The following ARHGAP1 variants were observed in gnomAD, a reference collection of about 807,000 sequenced individuals.
ARHGAP1 encodes the protein rho GTPase-activating protein 1.
A neutral mutation model predicts 52.2 loss-of-function variants in ARHGAP1; 23 were observed. That is an observed-to-expected ratio of 0.44 (90% CI 0.32 to 0.62). The LOEUF (loss-of-function observed/expected upper bound fraction) is 0.62. Among genes scored for constraint, ARHGAP1 ranks in the 20% least tolerant of loss-of-function variants. The pLI, the probability that ARHGAP1 is intolerant of heterozygous loss-of-function variation, is 0.05. For missense variants in ARHGAP1, 480 were observed against 560.9 expected, an observed-to-expected ratio of 0.86 and a Z score of 1.46; for synonymous variants, 210 against 228.4, an observed-to-expected ratio of 0.92 and a Z score of 0.73.
chr11:46,683,192 C>T (rs1304789323), intron 4 of ARHGAP1, among the ~76,000 whole-genome samples: 1 of 152,048 alleles, frequency 6.6e-6, no homozygotes, highest in South Asian at 2.1e-4. Flanking sequence ...GTGTGAGCCA[C>T]CACACCCGGC....
rs2064500290 is a variant in ARHGAP1 at position 46,678,747 on chromosome 11, G to GT, written c.*289dup. ...AGAGGCAGGAAAAAGCAGGAAAGGGGTTACTGGGGCTCAGTCCTTCTCCAG... is the reference window on the plus strand; with the variant it reads ...AGAGGCAGGAAAAAGCAGGAAAGGGGTTTACTGGGGCTCAGTCCTTCTCCAG... On this transcript the variant is annotated 3_prime_UTR_variant, in exon 13 of 13. Coordinates refer to ENST00000311956, the MANE Select transcript of ARHGAP1 (RefSeq NM_004308.5). 4 of 427,966 alleles carry GT rather than the reference G, an allele frequency of 9.3e-6. No homozygotes were observed. In the Admixed American group the frequency reaches 1.2e-4, roughly 13 times the overall value. 26.5% of individuals were successfully genotyped at this position (427,966 alleles called of 1,614,324 possible).
intron 1 of ARHGAP1, chr11:46,697,652 T>G (rs1268387990): frequency 2.6e-5 from 4 of 152,264 alleles, no homozygotes; most frequent in Non-Finnish European, 5.9e-5. Flanking sequence ...CGCTGTTTCA[T>G]GCTCCCAAGC....
In ARHGAP1 at chr11:46,680,935, C is replaced by T. The variant is rs897169405; in HGVS notation, c.635+76G>A. The T allele has an allele frequency of 3.6e-6, 5 of 1,373,198 alleles. No individual in the cohort carries two copies. The highest frequency in any genetic ancestry group is 2.3e-5 in the South Asian group (2 of 85,152). 85.1% of individuals were successfully genotyped at this position (1,373,198 alleles called of 1,614,324 possible). On this transcript the variant is annotated intron_variant, in intron 7 of 12. Transcript: ENST00000311956. This position sits in a 1 kb window ranked among gnomAD's most constrained non-coding sequence, Gnocchi z 5.9. ...ACACGGGCTTGCTCTGCCTAAGCCCCACGCGGTCTCTGAATCAGGACACAC... is the reference window on the plus strand; with the variant it reads ...ACACGGGCTTGCTCTGCCTAAGCCCTACGCGGTCTCTGAATCAGGACACAC...
chr11:46,677,820 T>G lies in ARHGAP1; in HGVS notation c.*1217A>C, dbSNP rs748843428. 5 of 337,318 alleles carry G rather than the reference T, an allele frequency of 1.5e-5. No homozygotes were observed. The highest frequency in any genetic ancestry group is 1.1e-4 in the South Asian group (5 of 45,414). 20.9% of individuals were successfully genotyped at this position (337,318 alleles called of 1,614,324 possible). ...CAAAAATTAGCTGGGCATGGTGGCA[T>G]GCACCTATAGTCCCAGCTACTCAGG... is the stretch of plus-strand genomic sequence containing the variant. On this transcript the variant is annotated 3_prime_UTR_variant, in exon 13 of 13. Coordinates refer to ENST00000311956, the MANE Select transcript of ARHGAP1 (RefSeq NM_004308.5).
rs371476247 is a variant in ARHGAP1, at chr11:46,680,444, A to C, written c.820+43T>G. The C allele has an allele frequency of 2.3e-3, 3,686 of 1,608,026 alleles. 7 individuals are homozygous for C. Among genetic ancestry groups the C allele is most frequent in the Non-Finnish European group, 2.9e-3 (3,442 of 1,174,992 alleles). On this transcript the variant is annotated intron_variant, in intron 9 of 12. Coordinates refer to ENST00000311956, the MANE Select transcript of ARHGAP1 (RefSeq NM_004308.5). The surrounding 1 kb of genome is among the most constrained non-coding windows in gnomAD (Gnocchi z 5.9). ...GCAGCTTCCCCAGCTTCCTGAAGGG[A>C]GCCGGGAGACCTGGCTGGTGAGGAG... is the stretch of plus-strand genomic sequence containing the variant.
chr11:46,696,185 C>T lies in ARHGAP1; in HGVS notation c.-49-29G>A, dbSNP rs1178234922. ...GGAGAGAGGAAGACAGGTGGCAGGT[C>T]AGTGACCTGCTCTTTTCACCTTCTG... is the stretch of plus-strand genomic sequence containing the variant. On this transcript the variant is annotated intron_variant, in intron 1 of 12. Transcript: ENST00000311956. The surrounding 1 kb of genome is among the most constrained non-coding windows in gnomAD (Gnocchi z 4.8). The T allele has an allele frequency of 5.4e-6, 8 of 1,480,618 alleles. No individual in the cohort carries two copies. The highest frequency in any genetic ancestry group is 6.4e-6 in the Non-Finnish European group (7 of 1,101,470). 91.7% of individuals were successfully genotyped at this position (1,480,618 alleles called of 1,614,324 possible).
intron 4 of ARHGAP1, among the ~76,000 whole-genome samples, chr11:46,685,696 T>G (rs1315364333): frequency 3.6e-5 from 5 of 137,710 alleles, no homozygotes; most frequent in South Asian, 2.2e-4. Flanking sequence ...TTTTTTTTTT[T>G]GAGACAGAGT....
intron 1 of ARHGAP1, among the ~76,000 whole-genome samples, chr11:46,699,155 A>T (rs1046749624): frequency 6.6e-6 from 1 of 152,160 alleles, no homozygotes; most frequent in African/African-American, 2.4e-5. Flanking sequence ...AACTTAGGAG[A>T]TGTATGCAAT....
At chr11:46,698,014 C>T (rs2064670150) in intron 1 of ARHGAP1, among the ~76,000 whole-genome samples, 1 of 152,212 alleles carries the variant, frequency 6.6e-6, no homozygotes, top group Admixed American at 6.5e-5. Context: ...CTTCTCTCTA[C>T]CCTTTCTATT....
chr11:46,688,061 T>C (rs1246922455), intron 4 of ARHGAP1, 112 bp downstream of exon 4: 2 of 1,016,354 alleles, frequency 2.0e-6, no homozygotes, highest in Non-Finnish European at 2.9e-6. Flanking sequence ...AGGGAAGGCA[T>C]TAAGGCAGGT....
Position 46,679,429 on chromosome 11 carries a change from A to C in ARHGAP1, c.1067T>G (p.Val356Gly). ...ESQRVPATLQVLQTLPEENYQ... is the reference protein window; with the variant it reads ...ESQRVPATLQGLQTLPEENYQ... ...GTTCTCCTCGGGCAGCGTCTGGAGG[A>C]CCTGCAGTGTCGCTGGCACCCTCTG... is the stretch of plus-strand genomic sequence containing the variant. Residue 356 changes from valine to glycine, a missense_variant, in exon 12 of 13, where the codon GTC becomes GGC. Physicochemically the swap from Val to Gly is moderately radical, Grantham distance 109. Coordinates refer to ENST00000311956, the MANE Select transcript of ARHGAP1 (RefSeq NM_004308.5). The surrounding 1 kb of genome is among the most constrained non-coding windows in gnomAD (Gnocchi z 4.4). 2.5e-6 allele frequency: 4 copies of C among 1,614,186 alleles called. No individual in the cohort carries two copies. Among genetic ancestry groups the C allele is most frequent in the Non-Finnish European group, 3.4e-6 (4 of 1,180,022 alleles).
chr11:46,699,304 A>C lies in ARHGAP1; in HGVS notation c.-50+1247T>G, dbSNP rs144494056. On this transcript the variant is annotated intron_variant, in intron 1 of 12. Coordinates refer to ENST00000311956, the MANE Select transcript of ARHGAP1 (RefSeq NM_004308.5). ...ATTCATCTCCTAAGTAAAGAAGGGA[A>C]CCCACACTTGTTGAGGGCCTATATA... is the stretch of plus-strand genomic sequence containing the variant. Among the ~76,000 whole-genome samples the C allele has an allele frequency of 1.1e-4, 17 of 152,272 alleles. No individual in the cohort carries two copies. The East Asian group carries it at 3.3e-3, about 29-fold the overall frequency.
Position 46,680,874 on chromosome 11 carries a change from TC to T in ARHGAP1, c.636-128del. 1 of 1,092,154 alleles carries T rather than the reference TC, an allele frequency of 9.2e-7. No homozygotes were observed. The highest frequency in any genetic ancestry group is 1.3e-6 in the Non-Finnish European group (1 of 755,960). The allele number at this position is 1,092,154 out of a possible 1,614,324, so 67.7% of individuals were successfully genotyped here. A position where few individuals can be genotyped will look rare whatever the true frequency, so the allele number is the denominator to read the frequency against. Reference sequence around the variant, plus strand: ...TGCGATCTCTGTAACAACTCCGCTTTCCACAGCAGAAAGCAAAGACCTGGGA... The same window carrying T: ...TGCGATCTCTGTAACAACTCCGCTTTCACAGCAGAAAGCAAAGACCTGGGA... On this transcript the variant is annotated intron_variant, in intron 7 of 12. Transcript: ENST00000311956. The surrounding 1 kb of genome is among the most constrained non-coding windows in gnomAD (Gnocchi z 5.9).
intron 3 of ARHGAP1, among the ~76,000 whole-genome samples, chr11:46,689,081 CA>C (rs566135089): frequency 0.015 from 1,372 of 90,238 alleles, 12 homozygotes; most frequent in African/African-American, 0.043. Context: ...AAGAGTGTCT[CA>C]AAAAAAAAAA....
chr11:46,683,343 C>T (rs1416837418), intron 4 of ARHGAP1, among the ~76,000 whole-genome samples: 2 of 152,034 alleles, frequency 1.3e-5, no homozygotes, highest in Non-Finnish European at 2.9e-5. Context: ...CTGCACCTGG[C>T]CGAAAGCCTG....
chr11:46,677,737 G>A lies in ARHGAP1; in HGVS notation c.*1300C>T. On this transcript the variant is annotated 3_prime_UTR_variant, in exon 13 of 13. Coordinates refer to ENST00000311956, the MANE Select transcript of ARHGAP1 (RefSeq NM_004308.5). ...GAGGCCGAGGTGGGTGGATCATGAG[G>A]TCAGGAGATCGAGACCATCCTGGCC... The A allele has an allele frequency of 3.5e-6, 1 of 282,798 alleles. No homozygotes were observed. The highest frequency in any genetic ancestry group is 2.7e-5 in the South Asian group (1 of 36,796). 17.5% of individuals were successfully genotyped at this position (282,798 alleles called of 1,614,324 possible).
At chr11:46,692,922 C>G (rs1023012059) in intron 3 of ARHGAP1, among the ~76,000 whole-genome samples, 1 of 151,310 alleles carries the variant, frequency 6.6e-6, no homozygotes, top group Non-Finnish European at 1.5e-5. Context: ...GCACGATCTC[C>G]GCTCACTGCA....
intron 4 of ARHGAP1, among the ~76,000 whole-genome samples, chr11:46,682,457 G>A (rs1410468039): frequency 1.6e-4 from 24 of 152,240 alleles, no homozygotes; most frequent in African/African-American, 5.5e-4. Context: ...GCCAAGGCGG[G>A]TGGATCACCT....
Position 46,681,390 on chromosome 11 carries a change from A to G in ARHGAP1, c.450-11T>C, listed in dbSNP as rs1434717366. The G allele has an allele frequency of 1.3e-6, 2 of 1,590,312 alleles. No individual in the cohort carries two copies. Among genetic ancestry groups the G allele is most frequent in the African/African-American group, 1.3e-5 (1 of 74,494 alleles). ...ATGTTTTTCTTGTACCTGCAGAGAC[A>G]GAATGGACAACTCAGGAGCAGGCGT... is the stretch of plus-strand genomic sequence containing the variant. On this transcript the variant is annotated splice_polypyrimidine_tract_variant and intron_variant, in intron 5 of 12. Transcript: ENST00000311956. The surrounding 1 kb of genome is among the most constrained non-coding windows in gnomAD (Gnocchi z 5.7).
Sources: gnomAD v4.1 joint callset for allele counts (sites outside exome capture counted in the v4.1 genomes callset) on GRCh38, gnomAD v4.1.1 for gene constraint, Gnocchi (gnomAD v3.1) non-coding constraint, MANE v1.5 for transcripts, NCBI Gene and HGNC (gene_info 2026-07-23, HGNC 2026-07-21) for gene names.